KDM4C: variants seen among roughly 807,000 people sequenced by gnomAD.
KDM4C encodes the protein lysine demethylase 4C.
A neutral mutation model predicts 129.3 loss-of-function variants in KDM4C; 81 were observed. The observed-to-expected ratio is 0.63, with a 90% CI of 0.52 to 0.75. The LOEUF (loss-of-function observed/expected upper bound fraction) is 0.75. KDM4C is among the 30% of genes least tolerant of loss of function. KDM4C has a pLI of 0.00. For missense variants in KDM4C, 1,457 were observed against 1,304.0 expected (o/e 1.12, Z -1.81); for synonymous variants, 573 against 456.1 (o/e 1.26, Z -3.26).
intron 17 of KDM4C, among the ~76,000 whole-genome samples, chr9:7,101,848 A>C (rs1297314490): frequency 6.6e-6 from 1 of 152,024 alleles, no homozygotes; most frequent in Non-Finnish European, 1.5e-5. Flanking sequence ...TCAAACACTG[A>C]CCTCTATGTT....
At chr9:6,940,382 A>G (rs1825728710) in intron 8 of KDM4C, among the ~76,000 whole-genome samples, 1 of 152,176 alleles carries the variant, frequency 6.6e-6, no homozygotes, top group Non-Finnish European at 1.5e-5. Flanking sequence ...GAGCTTCAAA[A>G]TGTGAACAAT....
intron 8 of KDM4C, among the ~76,000 whole-genome samples, chr9:6,908,342 G>T (rs1357216203): frequency 1.3e-5 from 2 of 152,164 alleles, no homozygotes; most frequent in Non-Finnish European, 2.9e-5. Flanking sequence ...ATGTTACTTA[G>T]TGTAGCTGCT....
intron 1 of KDM4C, among the ~76,000 whole-genome samples, chr9:6,738,237 G>A (rs1245313031): frequency 1.3e-5 from 2 of 152,056 alleles, no homozygotes; most frequent in South Asian, 4.1e-4. Context: ...AGCACTTTGG[G>A]AGGCCGAGGC....
upstream of KDM4C, among the ~76,000 whole-genome samples, chr9:6,754,880 T>TAAAAAAA (rs58382779): frequency 4.8e-5 from 4 of 83,342 alleles, no homozygotes; most frequent in African/African-American, 1.7e-4. Context: ...TGTCTCAAAG[T>TAAAAAAA]AAAAAAAAAA....
intron 4 of KDM4C, among the ~76,000 whole-genome samples, chr9:6,822,868 C>T (rs1057371350): frequency 6.6e-6 from 1 of 152,188 alleles, no homozygotes; most frequent in Non-Finnish European, 1.5e-5. Flanking sequence ...CTGCATCGAC[C>T]TTTGAAGGCA....
At position 7,045,719 on chromosome 9, in the gene KDM4C, A is replaced by G. The variant is rs545221393; in HGVS notation, c.2260-1143A>G. On this transcript the variant is annotated intron_variant, in intron 15 of 21. Coordinates refer to ENST00000381309, the MANE Select transcript of KDM4C (RefSeq NM_015061.6). ...TCTGAATCCAGGAATTTTCATATAG[A>G]TTTACAGAGACTTTTCAGACACACA... 3.9e-5 allele frequency among the ~76,000 whole-genome samples: 6 copies of G among 152,162 alleles called. No individual in the cohort carries two copies. The South Asian group carries it at 1.0e-3, about 26-fold the overall frequency.
chr9:6,915,350 G>C (rs2131130182), intron 8 of KDM4C, among the ~76,000 whole-genome samples: 1 of 152,270 alleles, frequency 6.6e-6, no homozygotes, highest in East Asian at 1.9e-4. Flanking sequence ...TAAAGCATTA[G>C]GTAACAAAAG....
chr9:6,942,313 G>GTGTGTA lies in KDM4C; in HGVS notation c.922-38607_922-38606insATGTGT, dbSNP rs1190991934. On this transcript the variant is annotated intron_variant, in intron 8 of 21. Coordinates refer to ENST00000381309, the MANE Select transcript of KDM4C (RefSeq NM_015061.6). Reference sequence around the variant, plus strand: ...TGTGTGTGTGTGTGTGTGTGTGTGTGTGTGTGTGTTTAATCCTCCAAGCTA... The same window carrying GTGTGTA: ...TGTGTGTGTGTGTGTGTGTGTGTGTGTGTGTATGTGTGTGTTTAATCCTCCAAGCTA... 2.0e-5 allele frequency: 3 copies of GTGTGTA among 152,284 alleles called. No individual in the cohort carries two copies. The East Asian group carries it at 5.7e-4, about 29-fold the overall frequency. The allele number at this position is 152,284 out of a possible 1,614,324, so 9.4% of individuals were successfully genotyped here.
At chr9:7,119,994 G>A (rs1839319575) in intron 18 of KDM4C, among the ~76,000 whole-genome samples, 1 of 152,116 alleles carries the variant, frequency 6.6e-6, no homozygotes, top group South Asian at 2.1e-4. Flanking sequence ...TAGCACCTAG[G>A]AATGTGCCTT....
chr9:6,859,513 AAC>A (rs949350954), intron 5 of KDM4C, among the ~76,000 whole-genome samples: 2 of 148,046 alleles, frequency 1.4e-5, no homozygotes, highest in African/African-American at 5.0e-5. Context: ...CGTCTCTGGT[AAC>A]ACAGACGACA....
In KDM4C at chr9:6,822,296, A is replaced by G. The variant is rs537187373; in HGVS notation, c.435+7551A>G. On this transcript the variant is annotated intron_variant, in intron 4 of 21. Transcript: ENST00000381309. Reference sequence around the variant, plus strand: ...CCTAATATATTTACTGTTTCTTTGCAGAAAATGTTTGTCAGCCCCTTATAT... The same window carrying G: ...CCTAATATATTTACTGTTTCTTTGCGGAAAATGTTTGTCAGCCCCTTATAT... Among the ~76,000 whole-genome samples the G allele has an allele frequency of 2.8e-3, 421 of 152,346 alleles. 3 individuals carry two copies. The highest frequency in any genetic ancestry group is 9.5e-3 in the African/African-American group (397 of 41,580).
chr9:6,956,308 C>G (rs1161339714), intron 8 of KDM4C, among the ~76,000 whole-genome samples: 2 of 152,058 alleles, frequency 1.3e-5, no homozygotes, highest in African/African-American at 4.8e-5. Context: ...ACTCCATTCC[C>G]CATGATGTGC....
chr9:7,023,464 T>C (rs1825237765), intron 15 of KDM4C, among the ~76,000 whole-genome samples: 1 of 152,200 alleles, frequency 6.6e-6, no homozygotes, highest in Admixed American at 6.5e-5. Context: ...CCTTTGAATT[T>C]CTGTAATATC....
rs551828967 is a variant in KDM4C, at chr9:7,131,893, G to A, written c.2781+3657G>A. On this transcript the variant is annotated intron_variant, in intron 19 of 21. Transcript: ENST00000381309. The stretch of plus-strand genomic sequence containing the variant: ...GTTTTCATTAGGTGATATACCTGTA[G>A]CATGAGCAACTGGTGGTAGAAAATG... Among the ~76,000 whole-genome samples the A allele has an allele frequency of 1.1e-3, 174 of 152,328 alleles. 1 individual carries two copies. Among genetic ancestry groups the A allele is most frequent in the African/African-American group, 3.9e-3 (164 of 41,558 alleles).
intron 11 of KDM4C, 110 bp from the exon 12 acceptor site, chr9:6,990,306 C>G: frequency 2.7e-6 from 2 of 751,982 alleles, no homozygotes; most frequent in Non-Finnish European, 4.5e-6. Flanking sequence ...TAAACAACCA[C>G]AAGATTTCTT....
chr9:6,773,086 A>T (rs189369754), intron 1 of KDM4C, among the ~76,000 whole-genome samples: 55 of 145,362 alleles, frequency 3.8e-4, no homozygotes, highest in Middle Eastern at 3.9e-3. Flanking sequence ...TGCAGCCTCG[A>T]CCTCCCAGAC....
At chr9:6,882,346 G>A (rs779208742) in intron 6 of KDM4C, among the ~76,000 whole-genome samples, 2 of 152,144 alleles carry the variant, frequency 1.3e-5, no homozygotes, top group Non-Finnish European at 2.9e-5. Flanking sequence ...AAGATTTTCA[G>A]TTTTTAAAAT....
upstream of KDM4C, among the ~76,000 whole-genome samples, chr9:6,753,767 C>T (rs187020781): frequency 6.6e-6 from 1 of 152,144 alleles, no homozygotes; most frequent in East Asian, 1.9e-4. Flanking sequence ...AGGGCAGAGC[C>T]CTCATGGACT....
intron 4 of KDM4C, among the ~76,000 whole-genome samples, chr9:6,844,522 T>C (rs1005405231): frequency 1.2e-4 from 19 of 152,248 alleles, no homozygotes; most frequent in Admixed American, 4.6e-4. Flanking sequence ...AAATGTGTTA[T>C]ACAAACAAGC....
Sources: allele counts gnomAD v4.1 joint callset (sites outside exome capture counted in the v4.1 genomes callset), GRCh38; gene constraint gnomAD v4.1.1; transcripts MANE v1.5; gene names NCBI Gene and HGNC (gene_info 2026-07-23, HGNC 2026-07-21).